The following APBB2 variants were observed in gnomAD, a reference collection of about 807,000 sequenced individuals.
APBB2 encodes Fe65-like 1.
APBB2 carries 38 observed loss-of-function variants against 82.5 expected under a neutral mutation model. The observed-to-expected ratio is 0.46, with a 90% confidence interval of 0.36 to 0.60. The LOEUF is 0.60. Ranked by LOEUF, APBB2 falls within the 20% of genes least tolerant of loss-of-function variation. APBB2 has a pLI of 0.00. For missense variants in APBB2, 772 were observed against 972.3 expected (o/e 0.79, Z 2.74); for synonymous variants, 341 against 368.2 (o/e 0.93, Z 0.85).
chr4:40,821,214 G>C (rs1015798882), intron 17 of APBB2, among the ~76,000 whole-genome samples: 1 of 152,134 alleles, frequency 6.6e-6, no homozygotes, highest in Non-Finnish European at 1.5e-5. Context: ...GCATAAGAGG[G>C]GCACAAAGAC....
intron 12 of APBB2, among the ~76,000 whole-genome samples, chr4:40,847,370 G>A (rs1757975087): frequency 1.3e-5 from 2 of 152,214 alleles, no homozygotes; most frequent in Non-Finnish European, 2.9e-5. Context: ...GCTGAGACGT[G>A]AGAATCACTG....
chr4:40,862,341 G>C (rs1209951423), intron 12 of APBB2, among the ~76,000 whole-genome samples: 1 of 152,154 alleles, frequency 6.6e-6, no homozygotes, highest in Non-Finnish European at 1.5e-5. Flanking sequence ...CATCCACAAA[G>C]ATCCTTATAT....
chr4:41,208,093 A>C (rs2154080516), intron 1 of APBB2, among the ~76,000 whole-genome samples: 1 of 152,276 alleles, frequency 6.6e-6, no homozygotes. Flanking sequence ...TATTGTGTGG[A>C]AACTGAGCTC....
At chr4:40,939,673 C>T (rs1786338042) in intron 7 of APBB2, among the ~76,000 whole-genome samples, 1 of 152,182 alleles carries the variant, frequency 6.6e-6, no homozygotes, top group Admixed American at 6.5e-5. Flanking sequence ...GATCTCACTG[C>T]AACCTCCACC....
intron 10 of APBB2, among the ~76,000 whole-genome samples, chr4:40,919,090 C>T (rs1780617335): frequency 6.6e-6 from 1 of 152,150 alleles, no homozygotes; most frequent in Middle Eastern, 3.2e-3. Context: ...GTAAGATAAA[C>T]TCAAGAGGCA....
At chr4:40,982,412 A>AGGAAAGGAAAGGAAAGGAAAGGAAAG (rs60007840) in intron 6 of APBB2, among the ~76,000 whole-genome samples, 1 of 102,096 alleles carries the variant, frequency 9.8e-6, no homozygotes, top group African/African-American at 4.0e-5. Flanking sequence ...AAAGAAAGAA[A>AGGAAAGGAAAGGAAAGGAAAGGAAAG]GAAAGAAAGA....
chr4:41,003,685 A>G (rs1276952510), intron 6 of APBB2, among the ~76,000 whole-genome samples: 1 of 152,162 alleles, frequency 6.6e-6, no homozygotes, highest in African/African-American at 2.4e-5. Context: ...AAAGCCTTCA[A>G]AGGGAGCGAG....
rs148967363 is a variant in APBB2 at position 40,881,528 on chromosome 4, C to CTTTTTTTTTTTTTTTTTTTTTTTTTT, written c.1529+8835_1529+8836insAAAAAAAAAAAAAAAAAAAAAAAAAA. On this transcript the variant is annotated intron_variant, in intron 12 of 17. Coordinates refer to ENST00000508593, the MANE Select transcript of APBB2 (RefSeq NM_004307.2). ...TTTCTTTCCTTTTATCTTTTCTTTTCTTTTTCTTTTTTTTTTTTTTTTTGA... is the reference window on the plus strand; with the variant it reads ...TTTCTTTCCTTTTATCTTTTCTTTTCTTTTTTTTTTTTTTTTTTTTTTTTTTTTTTTCTTTTTTTTTTTTTTTTTGA... 14 of 154,426 alleles carry CTTTTTTTTTTTTTTTTTTTTTTTTTT rather than the reference C, an allele frequency of 9.1e-5. 1 individual carries two copies. In the East Asian group the frequency reaches 9.8e-4, roughly 11 times the overall value. The allele number at this position is 154,426 out of a possible 1,614,324, so 9.6% of individuals were successfully genotyped here.
chr4:41,027,033 C>A (rs746944574), intron 5 of APBB2, among the ~76,000 whole-genome samples: 2 of 152,176 alleles, frequency 1.3e-5, no homozygotes, highest in Non-Finnish European at 2.9e-5. Flanking sequence ...CTTCCTTGCT[C>A]CTACCTAGAT....
At chr4:40,991,198 G>T (rs10030011) in intron 6 of APBB2, among the ~76,000 whole-genome samples, 11,024 of 52,152 alleles carry the variant, frequency 0.21, 614 homozygotes, top group Non-Finnish European at 0.25. Flanking sequence ...TTTTTTTTTT[G>T]TAGAAATGAG....
chr4:41,156,716 T>A (rs373736188), intron 1 of APBB2, among the ~76,000 whole-genome samples: 12 of 152,168 alleles, frequency 7.9e-5, no homozygotes, highest in East Asian at 7.7e-4. Context: ...ACGTTCCTTA[T>A]CTGTGTGATC....
At chr4:40,945,614 T>C (rs1233303380) in intron 6 of APBB2, among the ~76,000 whole-genome samples, 1 of 152,140 alleles carries the variant, frequency 6.6e-6, no homozygotes, top group Non-Finnish European at 1.5e-5. Flanking sequence ...TATAATACTC[T>C]AGAATTCTTT....
Position 41,101,470 on chromosome 4 carries a change from C to CAA in APBB2, c.-260-722_-260-721dup, listed in dbSNP as rs150527764. Among the ~76,000 whole-genome samples the CAA allele has an allele frequency of 3.3e-3, 241 of 72,494 alleles. 17 individuals carry two copies. Among genetic ancestry groups the CAA allele is most frequent in the East Asian group, 0.012 (16 of 1,344 alleles). The allele number at this position is 72,494 out of a possible 152,430, so 47.6% of individuals were successfully genotyped here. ...TGGGCGACAGAGCGAGACTCCGTCT[C>CAA]AAAAAAAAAAAAAAAAAAAAAAAAA... On this transcript the variant is annotated intron_variant, in intron 2 of 17. Transcript: ENST00000508593.
chr4:41,058,143 T>C (rs1327060788), intron 4 of APBB2, among the ~76,000 whole-genome samples: 1 of 152,174 alleles, frequency 6.6e-6, no homozygotes, highest in African/African-American at 2.4e-5. Flanking sequence ...GGTGAAGACT[T>C]GTCACAGGGC....
chr4:41,029,068 A>G (rs1361032776), intron 5 of APBB2, among the ~76,000 whole-genome samples: 1 of 152,192 alleles, frequency 6.6e-6, no homozygotes. Context: ...AGGGTTGATA[A>G]ATGGGCCAAA....
rs965855633 is a variant in APBB2 at position 41,052,818 on chromosome 4, G to C, written c.-51+12758C>G. Among the ~76,000 whole-genome samples, 3 of 150,512 alleles carry C rather than the reference G, an allele frequency of 2.0e-5. No individual in the cohort carries two copies. The East Asian group carries it at 5.8e-4, about 29-fold the overall frequency. ...AGTCTCACTCTGTCACCCAGCTGGA[G>C]TGCAGTGGCGTGATCTCGGCTTGCA... is the stretch of plus-strand genomic sequence containing the variant. On this transcript the variant is annotated intron_variant, in intron 4 of 17. Coordinates refer to ENST00000508593, the MANE Select transcript of APBB2 (RefSeq NM_004307.2).
intron 5 of APBB2, among the ~76,000 whole-genome samples, chr4:41,031,471 C>T (rs946028715): frequency 1.3e-5 from 2 of 152,058 alleles, no homozygotes; most frequent in Non-Finnish European, 2.9e-5. Flanking sequence ...TATGTCATAC[C>T]GATGCATGAG....
chr4:40,818,373 T>C (rs1307016170), intron 17 of APBB2, among the ~76,000 whole-genome samples: 1 of 151,870 alleles, frequency 6.6e-6, no homozygotes, highest in East Asian at 1.9e-4. Context: ...AGAGGGAAAA[T>C]GAATTGAGAA....
chr4:40,883,535 C>T (rs760471155), intron 12 of APBB2, among the ~76,000 whole-genome samples: 9 of 151,716 alleles, frequency 5.9e-5, no homozygotes, highest in Non-Finnish European at 1.0e-4. Flanking sequence ...TGCAGTGAGC[C>T]GAGATCATGC....
Sources: allele counts gnomAD v4.1 joint callset (sites outside exome capture counted in the v4.1 genomes callset), GRCh38; gene constraint gnomAD v4.1.1; transcripts MANE v1.5; gene names NCBI Gene and HGNC (gene_info 2026-07-23, HGNC 2026-07-21).